ZXDC: variants seen among roughly 807,000 people sequenced by gnomAD.
ZXDC encodes the protein zinc finger protein ZXDC.
Under a neutral mutation model 63.6 loss-of-function variants are expected in ZXDC, and 58 were observed. The observed-to-expected ratio is 0.91, with a 90% CI of 0.74 to 1.13. ZXDC has a LOEUF of 1.13. Among genes scored for constraint, ZXDC ranks in the 50% most tolerant of loss-of-function variants. The probability of loss-of-function intolerance (pLI) is 0.00; values close to 1 mark genes in which losing one functional copy is unlikely to be tolerated. For missense variants in ZXDC, 1,133 were observed against 1,148.9 expected (o/e 0.99, Z 0.20); for synonymous variants, 561 against 496.1 (o/e 1.13, Z -1.74).
chr3:126,453,283 T>C (rs1560094607), intron 7 of ZXDC: 1 of 985,382 alleles, frequency 1.0e-6, no homozygotes, highest in East Asian at 1.1e-4. Flanking sequence ...ATGCTTTTTT[T>C]AATTGCTCAG....
intron 7 of ZXDC, among the ~76,000 whole-genome samples, chr3:126,447,919 T>C (rs16837488): frequency 0.059 from 9,043 of 152,308 alleles, 326 homozygotes; most frequent in African/African-American, 0.076. Flanking sequence ...ACAGTGTTCC[T>C]GCATACCACG....
intron 7 of ZXDC, chr3:126,452,959 A>G: frequency 1.1e-6 from 1 of 952,000 alleles, no homozygotes; most frequent in South Asian, 4.9e-5. Flanking sequence ...GCTGGTCTTG[A>G]ACTCCTGGCC....
chr3:126,455,626 C>T (rs901876275), intron 7 of ZXDC, among the ~76,000 whole-genome samples: 2 of 152,146 alleles, frequency 1.3e-5, no homozygotes, highest in African/African-American at 4.8e-5. Flanking sequence ...GGATTGGCCA[C>T]AGCTGGAAGA....
chr3:126,467,011 G>A (rs6439011), intron 4 of ZXDC, among the ~76,000 whole-genome samples: 92,033 of 151,658 alleles, frequency 0.61, 28,441 homozygotes, highest in South Asian at 0.74. Context: ...GGAGCTCTTG[G>A]CGGTCAGAGG....
At chr3:126,441,260 T>G (rs1933663836) in intron 8 of ZXDC, 10 of 986,132 alleles carry the variant, frequency 1.0e-5, no homozygotes, top group Non-Finnish European at 1.2e-5. Flanking sequence ...GGGCTCTGTT[T>G]CGTAGGAAAG....
At chr3:126,446,639 G>A (rs115476441) in intron 7 of ZXDC, among the ~76,000 whole-genome samples, 4 of 152,162 alleles carry the variant, frequency 2.6e-5, no homozygotes, top group Non-Finnish European at 5.9e-5. Flanking sequence ...GGAGGTAAGT[G>A]ACTATTTTCC....
intron 4 of ZXDC, among the ~76,000 whole-genome samples, chr3:126,470,085 A>C (rs752317972): frequency 2.6e-5 from 4 of 152,210 alleles, no homozygotes; most frequent in Non-Finnish European, 5.9e-5. Context: ...GCCAGCACGC[A>C]CAAGTCACGC....
intron 8 of ZXDC, chr3:126,440,531 G>A: frequency 2.0e-6 from 2 of 985,642 alleles, no homozygotes; most frequent in Non-Finnish European, 2.4e-6. Context: ...TCTGCCGGTG[G>A]CACCAGCTTC....
intron 5 of ZXDC, among the ~76,000 whole-genome samples, chr3:126,465,601 G>C (rs1427111693): frequency 6.6e-6 from 1 of 152,224 alleles, no homozygotes; most frequent in Non-Finnish European, 1.5e-5. Context: ...AGGCTTAGGG[G>C]ACATATGCTA....
chr3:126,445,723 G>C (rs1048161980), intron 7 of ZXDC, among the ~76,000 whole-genome samples: 1 of 152,108 alleles, frequency 6.6e-6, no homozygotes, highest in African/African-American at 2.4e-5. Flanking sequence ...CAGGGGTCCA[G>C]GCCAACAGCT....
Position 126,470,806 on chromosome 3 carries a change from A to G in ZXDC, c.1270+89T>C, listed in dbSNP as rs1934951597. On this transcript the variant is annotated intron_variant, in intron 4 of 9. Coordinates refer to ENST00000389709, the MANE Select transcript of ZXDC (RefSeq NM_025112.5). ...ATATTGAGTCAGTCTTTAAGCAGCTAACATTTACCTTTAAACAACGGAAAC... is the reference window on the plus strand; with the variant it reads ...ATATTGAGTCAGTCTTTAAGCAGCTGACATTTACCTTTAAACAACGGAAAC... 2.8e-5 allele frequency: 44 copies of G among 1,555,068 alleles called. No homozygotes were observed. In the South Asian group the frequency reaches 4.7e-4, roughly 17 times the overall value.
chr3:126,453,097 C>T (rs1934170422), intron 7 of ZXDC: 2 of 985,292 alleles, frequency 2.0e-6, no homozygotes, highest in South Asian at 4.7e-5. Flanking sequence ...GCATTTACTG[C>T]ACAAATTCCA....
At chr3:126,457,371 G>C in intron 7 of ZXDC, 1 of 985,394 alleles carries the variant, frequency 1.0e-6, no homozygotes, top group East Asian at 1.1e-4. Flanking sequence ...CCATGGGCGC[G>C]GGAAGACACC....
chr3:126,440,282 G>T (rs1353837024), intron 8 of ZXDC: 2 of 988,922 alleles, frequency 2.0e-6, no homozygotes, highest in Non-Finnish European at 2.4e-6. Flanking sequence ...TCCGCCCATG[G>T]CCATTCACAC....
chr3:126,451,772 GTGCGGACGTGTCTC>G, intron 7 of ZXDC: 1 of 985,390 alleles, frequency 1.0e-6, no homozygotes. Context: ...AAAGCTCTCT[GTGCGGACGTGTCTC>G]TGTGGCTGTG....
intron 7 of ZXDC, chr3:126,451,638 G>T (rs1309395151): frequency 1.0e-6 from 1 of 985,284 alleles, no homozygotes; most frequent in African/African-American, 1.7e-5. Context: ...GGAAGGCCTA[G>T]CCGACCTGGC....
chr3:126,461,761 GCTAAGTTA>G lies in ZXDC; in HGVS notation c.1893_1900del (p.Asn632SerfsTer84), dbSNP rs1560099985. ...AGAGGTCGGTGTGGTGATATGTGCT[GCTAAGTTA>G]CTATTGGAGGTCAAAGCCAGTGGGT... On this transcript the variant is annotated frameshift_variant, in exon 6 of 10. Coordinates refer to ENST00000389709, the MANE Select transcript of ZXDC (RefSeq NM_025112.5). LOFTEE classifies it high-confidence loss of function. 6.2e-7 allele frequency: 1 copy of G among 1,614,110 alleles called. No homozygotes were observed.
chr3:126,439,255 A>G (rs1225794813), intron 9 of ZXDC, among the ~76,000 whole-genome samples: 2 of 152,260 alleles, frequency 1.3e-5, no homozygotes, highest in South Asian at 2.1e-4. Flanking sequence ...TCAAACTCTG[A>G]ATCATTCACT....
chr3:126,458,786 A>G (rs1934408428), intron 7 of ZXDC: 1 of 985,348 alleles, frequency 1.0e-6, no homozygotes, highest in South Asian at 4.7e-5. Context: ...ACTTCCTTCT[A>G]TTATCTCTGC....
Sources: allele counts gnomAD v4.1 joint callset (sites outside exome capture counted in the v4.1 genomes callset), GRCh38; gene constraint gnomAD v4.1.1; transcripts MANE v1.5; gene names NCBI Gene and HGNC (gene_info 2026-07-23, HGNC 2026-07-21).